The following NINL variants were observed in gnomAD, a reference collection of about 807,000 sequenced individuals.
NINL encodes the protein ninein-like protein.
NINL carries 153 observed loss-of-function variants against 160.3 expected under a neutral mutation model. The observed-to-expected ratio is 0.95, with a 90% CI of 0.84 to 1.09. The LOEUF (loss-of-function observed/expected upper bound fraction) is 1.09, where lower values mean the gene tolerates loss of function less well. Ranked by LOEUF, NINL falls within the 50% of genes least tolerant of loss-of-function variation. The pLI is 0.00. For synonymous variants in NINL, 800 were observed against 734.8 expected, an observed-to-expected ratio of 1.09 and a Z score of -1.43; for missense variants, 1,829 against 1,764.0, an observed-to-expected ratio of 1.04 and a Z score of -0.66.
rs964727972 is a variant in NINL, at chr20:25,476,051, C to T, written c.3240G>A (p.Glu1080=). Residue 1080 remains glutamate (E), a synonymous_variant, in exon 17 of 24, where the codon GAG becomes GAA. Transcript: ENST00000278886. ...ATGAGTAGAAGGCAAACCTGTCGTT[C>T]TCTCTCAAATCTACATGTTTCTCCA... is the stretch of plus-strand genomic sequence containing the variant. ...RALEKHVDLR[E]NDRLEFHRLS... 5 of 1,611,838 alleles carry T rather than the reference C, an allele frequency of 3.1e-6. No individual in the cohort carries two copies. The African/African-American group carries it at 6.7e-5, about 22-fold the overall frequency.
chr20:25,542,537 T>A (rs1043307041), intron 1 of NINL, among the ~76,000 whole-genome samples: 2 of 136,010 alleles, frequency 1.5e-5, no homozygotes, highest in Non-Finnish European at 3.2e-5. Flanking sequence ...CCAAAAAGAA[T>A]ATTCTTAAAG....
intron 1 of NINL, among the ~76,000 whole-genome samples, chr20:25,553,150 G>T (rs990374831): frequency 7.8e-6 from 1 of 127,620 alleles, no homozygotes; most frequent in Non-Finnish European, 1.6e-5. Context: ...TGTGGCCCAG[G>T]CTGTTATTCA....
intron 8 of NINL, among the ~76,000 whole-genome samples, chr20:25,499,675 A>G (rs935096631): frequency 3.3e-5 from 5 of 152,066 alleles, no homozygotes; most frequent in South Asian, 2.1e-4. Context: ...GGTTGCGCCA[A>G]TGAGGGTCTT....
At chr20:25,493,924 G>A (rs2063693130) in intron 10 of NINL, among the ~76,000 whole-genome samples, 1 of 152,102 alleles carries the variant, frequency 6.6e-6, no homozygotes, top group Non-Finnish European at 1.5e-5. Flanking sequence ...ACCTCCTCAT[G>A]TTTGGTTAAA....
At chr20:25,481,622 G>A (rs1021651467) in intron 14 of NINL, among the ~76,000 whole-genome samples, 1 of 152,230 alleles carries the variant, frequency 6.6e-6, no homozygotes, top group Non-Finnish European at 1.5e-5. Context: ...GAACAGGCCT[G>A]AGTACTGGGA....
At chr20:25,468,578 C>CCCGA (rs1568850865) in intron 18 of NINL, among the ~76,000 whole-genome samples, 142 of 139,628 alleles carry the variant, frequency 1.0e-3, no homozygotes, top group African/African-American at 3.4e-3. Flanking sequence ...TGCCCTGTCC[C>CCCGA]CTGTCACTGG....
chr20:25,553,834 A>G (rs538597536), intron 1 of NINL, among the ~76,000 whole-genome samples: 1 of 152,362 alleles, frequency 6.6e-6, no homozygotes, highest in South Asian at 2.1e-4. Context: ...ACTCTGCCCA[A>G]CTTGGGCAGC....
intron 13 of NINL, 76 bp from the exon 14 acceptor site, chr20:25,482,176 A>AGG: frequency 6.6e-7 from 1 of 1,520,766 alleles, no homozygotes; most frequent in South Asian, 1.2e-5. Context: ...GCTGGCCTCC[A>AGG]GGGGGGTCCC....
At chr20:25,468,261 C>G (rs970079866) in intron 18 of NINL, among the ~76,000 whole-genome samples, 12 of 151,318 alleles carry the variant, frequency 7.9e-5, no homozygotes, top group African/African-American at 2.9e-4. Flanking sequence ...CCCGCCAACT[C>G]TCACTGACAG....
intron 5 of NINL, among the ~76,000 whole-genome samples, chr20:25,509,053 T>C (rs571826157): frequency 1.3e-5 from 2 of 152,322 alleles, no homozygotes; most frequent in Middle Eastern, 3.4e-3. Flanking sequence ...TTGAATCTGG[T>C]AGGCTTGTGA....
At chr20:25,543,287 T>C (rs779337348) in intron 1 of NINL, among the ~76,000 whole-genome samples, 16 of 151,964 alleles carry the variant, frequency 1.1e-4, no homozygotes, top group Non-Finnish European at 2.1e-4. Context: ...TGGTGACTCA[T>C]GCCTGTAATC....
At chr20:25,551,551 C>T (rs1234173550) in intron 1 of NINL, among the ~76,000 whole-genome samples, 1 of 152,048 alleles carries the variant, frequency 6.6e-6, no homozygotes, top group Non-Finnish European at 1.5e-5. Flanking sequence ...AAACACAAGC[C>T]ACTGAAGCAT....
chr20:25,498,131 C>A, intron 9 of NINL, 79 bp downstream of exon 9: 1 of 1,542,204 alleles, frequency 6.5e-7, no homozygotes, highest in Non-Finnish European at 8.8e-7. Flanking sequence ...TGACTGGTGT[C>A]CTTTGTGTCC....
chr20:25,489,128 G>A (rs1320399211), intron 13 of NINL, 116 bp downstream of exon 13: 2 of 1,014,332 alleles, frequency 2.0e-6, no homozygotes, highest in African/African-American at 3.1e-5. Context: ...GGTCAAGCAT[G>A]GCCGCAAGCA....
At chr20:25,472,352 T>C (rs1383251883) in intron 17 of NINL, among the ~76,000 whole-genome samples, 1 of 118,972 alleles carries the variant, frequency 8.4e-6, no homozygotes, top group Non-Finnish European at 1.8e-5. Flanking sequence ...TATATATATA[T>C]ATATATATAT....
At chr20:25,490,705 G>A (rs147702055) in intron 11 of NINL, among the ~76,000 whole-genome samples, 3 of 152,298 alleles carry the variant, frequency 2.0e-5, no homozygotes, top group African/African-American at 7.2e-5. Context: ...TGCCAGGGGA[G>A]GAGGCAGCAT....
chr20:25,490,327 G>A (rs888418221), intron 11 of NINL, among the ~76,000 whole-genome samples: 11 of 152,206 alleles, frequency 7.2e-5, no homozygotes, highest in African/African-American at 9.6e-5. Flanking sequence ...TTGGGAGGCC[G>A]AGGCGGGCGG....
intron 7 of NINL, 111 bp from the exon 8 acceptor site, chr20:25,501,121 C>T: frequency 2.2e-6 from 3 of 1,387,530 alleles, no homozygotes; most frequent in Non-Finnish European, 2.9e-6. Context: ...CTCACAGGAA[C>T]AGCTCATGAG....
intron 1 of NINL, among the ~76,000 whole-genome samples, chr20:25,583,852 TTC>T (rs1344808982): frequency 6.6e-6 from 1 of 152,204 alleles, no homozygotes; most frequent in Non-Finnish European, 1.5e-5. Context: ...GAAGCCATCA[TTC>T]TCAGCAAACT....
Sources: allele counts gnomAD v4.1 joint callset (sites outside exome capture counted in the v4.1 genomes callset), GRCh38; gene constraint gnomAD v4.1.1; transcripts MANE v1.5; gene names NCBI Gene and HGNC (gene_info 2026-07-23, HGNC 2026-07-21).